Variants in SIL1 observed in about 807,000 individuals in gnomAD.
The protein encoded by SIL1 is SIL1 nucleotide exchange factor, also known as nucleotide exchange factor SIL1.
In SIL1, 40 loss-of-function variants were observed where a neutral mutation model predicts 49.1. The ratio of observed to expected loss-of-function variants is 0.81; its 90% CI spans 0.63 to 1.06. The LOEUF (loss-of-function observed/expected upper bound fraction) is 1.06. Ranked by LOEUF, SIL1 falls within the 50% of genes least tolerant of loss-of-function variation. SIL1 has a pLI of 0.00. For synonymous variants in SIL1, 253 were observed against 250.8 expected (o/e 1.01, Z -0.08); for missense variants, 500 against 572.6 (o/e 0.87, Z 1.29).
At chr5:139,049,793 TAAAA>T (rs746363870) in intron 4 of SIL1, among the ~76,000 whole-genome samples, 1 of 117,646 alleles carries the variant, frequency 8.5e-6, no homozygotes. Flanking sequence ...ACCCTATCTC[TAAAA>T]AAAAAAAAAA....
At chr5:138,991,489 C>CCTGCA (rs1469229954) in intron 7 of SIL1, among the ~76,000 whole-genome samples, 1 of 152,186 alleles carries the variant, frequency 6.6e-6, no homozygotes, top group African/African-American at 2.4e-5. Flanking sequence ...GCTGTTCATT[C>CCTGCA]CACATTTTGC....
chr5:138,981,575 A>G (rs1241033120), intron 7 of SIL1, among the ~76,000 whole-genome samples: 1 of 152,220 alleles, frequency 6.6e-6, no homozygotes, highest in Non-Finnish European at 1.5e-5. Context: ...CTCCTGATAC[A>G]CATGCACCAG....
intron 3 of SIL1, among the ~76,000 whole-genome samples, chr5:139,105,583 A>C (rs1770683454): frequency 6.6e-6 from 1 of 152,248 alleles, no homozygotes. Context: ...GAAAGGAGTT[A>C]TATACCCTTA....
At chr5:139,004,903 A>T (rs1166873632) in intron 7 of SIL1, among the ~76,000 whole-genome samples, 1 of 152,220 alleles carries the variant, frequency 6.6e-6, no homozygotes, top group African/African-American at 2.4e-5. Context: ...AATCTAAAAA[A>T]ATTTATCTCA....
intron 5 of SIL1, chr5:139,035,486 C>A (rs1396221951): frequency 1.9e-6 from 1 of 538,090 alleles, no homozygotes; most frequent in Non-Finnish European, 3.7e-6. Flanking sequence ...TCAGACCCCT[C>A]CAGTCACCGG....
intron 3 of SIL1, among the ~76,000 whole-genome samples, chr5:139,068,152 A>G (rs1200492250): frequency 6.6e-6 from 1 of 152,242 alleles, no homozygotes; most frequent in Admixed American, 6.5e-5. Flanking sequence ...AATCTACCAA[A>G]TCCTCACATA....
At position 139,178,758 on chromosome 5, in the gene SIL1, C is replaced by T. The variant is rs1751930153; in HGVS notation, c.-11+19511G>A. Among the ~76,000 whole-genome samples the T allele has an allele frequency of 2.0e-5, 3 of 152,058 alleles. 1 individual carries two copies. Among genetic ancestry groups the T allele is most frequent in the Admixed American group, 1.3e-4 (2 of 15,264 alleles). ...ACTCTTTCTTTCAATACACTTATTC[C>T]AAGTGTAATTTTACTAACTTTGACA... On this transcript the variant is annotated intron_variant, in intron 1 of 9. Transcript: ENST00000394817.
chr5:139,092,168 T>A (rs1267384710), intron 3 of SIL1, among the ~76,000 whole-genome samples: 1 of 152,180 alleles, frequency 6.6e-6, no homozygotes, highest in Non-Finnish European at 1.5e-5. Flanking sequence ...ATATGATCAC[T>A]AAGACTTCAG....
chr5:139,134,287 A>G (rs570864418), intron 1 of SIL1, among the ~76,000 whole-genome samples: 1 of 152,270 alleles, frequency 6.6e-6, no homozygotes, highest in African/African-American at 2.4e-5. Context: ...GTGTGCCACC[A>G]TACCTGGCTT....
intron 3 of SIL1, among the ~76,000 whole-genome samples, chr5:139,109,742 T>G (rs1374252801): frequency 6.8e-6 from 1 of 148,090 alleles, no homozygotes; most frequent in Admixed American, 6.7e-5. Flanking sequence ...CCCATCCAAC[T>G]GCTAGACTGG....
intron 1 of SIL1, among the ~76,000 whole-genome samples, chr5:139,143,179 T>G (rs989998337): frequency 6.6e-6 from 1 of 151,548 alleles, no homozygotes; most frequent in African/African-American, 2.4e-5. Flanking sequence ...AAAACTATTC[T>G]ATGTGCAGAT....
chr5:139,106,024 G>T (rs1770702269), intron 3 of SIL1, among the ~76,000 whole-genome samples: 1 of 151,064 alleles, frequency 6.6e-6, no homozygotes, highest in African/African-American at 2.4e-5. Flanking sequence ...CTGTGTAGGG[G>T]AGGGGGACGC....
chr5:139,101,608 T>A (rs57976428), intron 3 of SIL1, among the ~76,000 whole-genome samples: 1 of 152,178 alleles, frequency 6.6e-6, no homozygotes, highest in African/African-American at 2.4e-5. Context: ...ACATAGCAAG[T>A]GCTCAATAAA....
intron 7 of SIL1, among the ~76,000 whole-genome samples, chr5:138,961,759 C>T (rs535960583): frequency 8.5e-5 from 13 of 152,184 alleles, no homozygotes; most frequent in African/African-American, 2.6e-4. Context: ...AGTAATCACT[C>T]GTGACTCTAT....
intron 2 of SIL1, among the ~76,000 whole-genome samples, chr5:139,124,702 T>C (rs558560822): frequency 2.0e-5 from 3 of 152,300 alleles, no homozygotes; most frequent in African/African-American, 7.2e-5. Context: ...AAAAGCAGCA[T>C]CAAGAGGATG....
intron 5 of SIL1, among the ~76,000 whole-genome samples, chr5:139,039,492 T>A (rs1768992570): frequency 6.6e-6 from 1 of 152,214 alleles, no homozygotes; most frequent in Admixed American, 6.5e-5. Context: ...TATAACTTTT[T>A]AAAATCTGCA....
At chr5:139,157,602 T>C (rs775274690) in intron 1 of SIL1, among the ~76,000 whole-genome samples, 15 of 152,334 alleles carry the variant, frequency 9.8e-5, no homozygotes, top group Non-Finnish European at 1.6e-4. Flanking sequence ...CAACCCAAAA[T>C]GCACTTTTTG....
chr5:139,040,610 C>T (rs1011360160), intron 5 of SIL1, among the ~76,000 whole-genome samples: 3 of 149,888 alleles, frequency 2.0e-5, no homozygotes, highest in African/African-American at 7.4e-5. Context: ...GTGATTCTCC[C>T]ACCTCAGCCT....
chr5:138,986,151 A>G (rs995488058), intron 7 of SIL1, among the ~76,000 whole-genome samples: 4 of 152,214 alleles, frequency 2.6e-5, no homozygotes, highest in African/African-American at 9.6e-5. Context: ...TTTCAAACCT[A>G]TACATTATGC....
Sources: allele counts gnomAD v4.1 joint callset (sites outside exome capture counted in the v4.1 genomes callset), GRCh38; gene constraint gnomAD v4.1.1; transcripts MANE v1.5; gene names NCBI Gene and HGNC (gene_info 2026-07-23, HGNC 2026-07-21).